The following SLC4A7 variants were observed in gnomAD, a reference collection of about 807,000 sequenced individuals.
SLC4A7 encodes the protein solute carrier family 4 member 7, also known as sodium bicarbonate cotransporter 3.
A neutral mutation model predicts 137.6 loss-of-function variants in SLC4A7; 51 were observed. The observed-to-expected ratio is 0.37, with a 90% CI of 0.30 to 0.47. The LOEUF (loss-of-function observed/expected upper bound fraction) is 0.47, where lower values mean the gene tolerates loss of function less well. SLC4A7 is among the 20% of genes least tolerant of loss of function. SLC4A7 has a pLI of 1.00. For missense variants in SLC4A7, 1,247 were observed against 1,525.4 expected (o/e 0.82, Z 3.04); for synonymous variants, 542 against 518.6 (o/e 1.05, Z -0.61).
intron 12 of SLC4A7, among the ~76,000 whole-genome samples, chr3:27,410,428 A>C (rs561992396): frequency 6.6e-6 from 1 of 152,320 alleles, no homozygotes; most frequent in South Asian, 2.1e-4. Flanking sequence ...AAAATTGACC[A>C]AAAAAACTAA....
rs2049712402 is a variant in SLC4A7, at chr3:27,373,654, C to T, written c.*3110G>A. 3 of 152,082 alleles carry T rather than the reference C, an allele frequency of 2.0e-5. No individual in the cohort carries two copies. In the South Asian group the frequency reaches 6.2e-4, roughly 32 times the overall value. The allele number at this position is 152,082 out of a possible 1,614,324, so 9.4% of individuals were successfully genotyped here. ...TTAAACAGCAAGCTCTGGTGTTATA[C>T]CTCAGTTTCAGAAAGCATTTTTCTT... On this transcript the variant is annotated 3_prime_UTR_variant, in exon 26 of 26. Transcript: ENST00000454389.
chr3:27,456,959 T>C (rs567155404), intron 1 of SLC4A7: 1 of 983,840 alleles, frequency 1.0e-6, no homozygotes, highest in South Asian at 4.7e-5. Flanking sequence ...CAGCAATCCG[T>C]TTTCAACTGA....
intron 1 of SLC4A7, among the ~76,000 whole-genome samples, chr3:27,469,680 G>C (rs1485314550): frequency 6.6e-6 from 1 of 152,044 alleles, no homozygotes; most frequent in Non-Finnish European, 1.5e-5. Flanking sequence ...TTGAACCCGG[G>C]AAGCAGAGGT....
chr3:27,479,999 G>T (rs2059643398), intron 1 of SLC4A7, among the ~76,000 whole-genome samples: 1 of 152,150 alleles, frequency 6.6e-6, no homozygotes, highest in Non-Finnish European at 1.5e-5. Context: ...ACAGGATGTT[G>T]ACAATTATAA....
chr3:27,469,960 A>C (rs1270286799), intron 1 of SLC4A7, among the ~76,000 whole-genome samples: 2 of 152,228 alleles, frequency 1.3e-5, no homozygotes, highest in Non-Finnish European at 2.9e-5. Flanking sequence ...TATCCTAAAA[A>C]ATAAATACTT....
At chr3:27,477,484 T>C (rs2059509191) in intron 1 of SLC4A7, among the ~76,000 whole-genome samples, 1 of 152,190 alleles carries the variant, frequency 6.6e-6, no homozygotes, top group South Asian at 2.1e-4. Flanking sequence ...CCACTGCTCG[T>C]CCCCTTCTCT....
chr3:27,434,916 T>G (rs1342761683), intron 5 of SLC4A7, among the ~76,000 whole-genome samples: 1 of 152,170 alleles, frequency 6.6e-6, no homozygotes, highest in Non-Finnish European at 1.5e-5. Context: ...AAATGAACAC[T>G]AGATTATACA....
intron 3 of SLC4A7, among the ~76,000 whole-genome samples, chr3:27,442,351 T>G (rs981885905): frequency 2.0e-5 from 3 of 152,184 alleles, no homozygotes; most frequent in African/African-American, 7.2e-5. Context: ...CTTCTATACT[T>G]TGTAATAAAC....
chr3:27,412,108 GCTC>G (rs2053958799), intron 11 of SLC4A7, among the ~76,000 whole-genome samples: 2 of 151,978 alleles, frequency 1.3e-5, no homozygotes, highest in Admixed American at 6.6e-5. Context: ...TAAAAATACT[GCTC>G]CTATTAACTA....
chr3:27,460,918 T>C (rs1378833723), intron 1 of SLC4A7, among the ~76,000 whole-genome samples: 4 of 152,164 alleles, frequency 2.6e-5, no homozygotes, highest in Admixed American at 1.3e-4. Context: ...TCTTTAATTA[T>C]TCCTTCAAGA....
At chr3:27,436,664 C>T in intron 4 of SLC4A7, 116 bp from the exon 5 acceptor site, 1 of 695,790 alleles carries the variant, frequency 1.4e-6, no homozygotes, top group Non-Finnish European at 2.2e-6. Context: ...ATAAAGAAAA[C>T]CACGACCAAA....
intron 23 of SLC4A7, 23 bp from the exon 24 acceptor site, chr3:27,383,273 G>A: frequency 2.0e-6 from 3 of 1,485,876 alleles, no homozygotes; most frequent in Non-Finnish European, 2.8e-6. Flanking sequence ...TGTGTGAAGA[G>A]GTTACTTTTC....
At chr3:27,389,429 C>T (rs553252901) in intron 22 of SLC4A7, among the ~76,000 whole-genome samples, 16 of 151,942 alleles carry the variant, frequency 1.1e-4, no homozygotes, top group African/African-American at 3.4e-4. Flanking sequence ...ATGTACAAAA[C>T]CAATTTTTAC....
chr3:27,412,726 TAATTA>T (rs148478197), intron 11 of SLC4A7, among the ~76,000 whole-genome samples: 27,549 of 151,974 alleles, frequency 0.18, 2,866 homozygotes, highest in Non-Finnish European at 0.25. Flanking sequence ...ATTTTTAATT[TAATTA>T]ATCATTTAAC....
chr3:27,461,802 A>G (rs573407118), intron 1 of SLC4A7, among the ~76,000 whole-genome samples: 1 of 151,612 alleles, frequency 6.6e-6, no homozygotes, highest in Admixed American at 6.6e-5. Context: ...TCCACCAAAA[A>G]AAAAAAAAAA....
chr3:27,429,764 C>T (rs1432199823), intron 7 of SLC4A7, among the ~76,000 whole-genome samples: 1 of 151,972 alleles, frequency 6.6e-6, no homozygotes, highest in Non-Finnish European at 1.5e-5. Flanking sequence ...GCAGGAGAAT[C>T]ACTTGAACCC....
At chr3:27,401,075 C>G in intron 15 of SLC4A7, 1 of 397,734 alleles carries the variant, frequency 2.5e-6, no homozygotes, top group South Asian at 4.7e-5. Context: ...ATACAAATAT[C>G]AAAACGTTTA....
At chr3:27,462,131 T>G (rs1334569955) in intron 1 of SLC4A7, among the ~76,000 whole-genome samples, 2 of 152,232 alleles carry the variant, frequency 1.3e-5, no homozygotes, top group Non-Finnish European at 2.9e-5. Context: ...TCCATAAATT[T>G]TTTTAAATTC....
At chr3:27,414,939 T>C (rs2150245658) in intron 11 of SLC4A7, among the ~76,000 whole-genome samples, 1 of 152,368 alleles carries the variant, frequency 6.6e-6, no homozygotes, top group East Asian at 1.9e-4. Context: ...AAGGAATTTA[T>C]TGTTTCAGGC....
Sources: gnomAD v4.1 joint callset for allele counts (sites outside exome capture counted in the v4.1 genomes callset) on GRCh38, gnomAD v4.1.1 for gene constraint, MANE v1.5 for transcripts, NCBI Gene and HGNC (gene_info 2026-07-23, HGNC 2026-07-21) for gene names.